Variants in FADS6 observed in about 807,000 individuals in gnomAD.
FADS6 encodes fatty acid desaturase 6, also known as fatty acid desaturase domain family, member 6.
A neutral mutation model predicts 31.7 loss-of-function variants in FADS6; 28 were observed. That is an observed-to-expected ratio of 0.88 (90% CI 0.66 to 1.21). The LOEUF is 1.21. Ranked by LOEUF, FADS6 falls within the 50% of genes most tolerant of loss-of-function variation. FADS6 has a pLI of 0.00. For missense variants in FADS6, 494 were observed against 504.2 expected (o/e 0.98, Z 0.19); for synonymous variants, 191 against 213.1 (o/e 0.90, Z 0.90).
At chr17:74,885,480 G>A (rs972171072) in intron 2 of FADS6, among the ~76,000 whole-genome samples, 1 of 152,114 alleles carries the variant, frequency 6.6e-6, no homozygotes, top group African/African-American at 2.4e-5. Flanking sequence ...TGCTCATGCT[G>A]TGGGAGCCAG....
At chr17:74,875,440 C>G (rs148910334), downstream of FADS6, among the ~76,000 whole-genome samples, 1 of 152,202 alleles carries the variant, frequency 6.6e-6, no homozygotes, top group Non-Finnish European at 1.5e-5. Context: ...ACCTCTCAGG[C>G]CTCAGAAATT....
Position 74,887,469 on chromosome 17 carries a change from CCTGGTCAATGCCCTCATCACATT to C in FADS6, c.412-4782_412-4760del, listed in dbSNP as rs201296874. Among the ~76,000 whole-genome samples, 21 of 152,328 alleles carry C rather than the reference CCTGGTCAATGCCCTCATCACATT, an allele frequency of 1.4e-4. No individual in the cohort carries two copies. In the East Asian group the frequency reaches 4.1e-3, roughly 29 times the overall value. On this transcript the variant is annotated intron_variant, in intron 2 of 5. Transcript: ENST00000612771. ...TGAGCTCTCAGAGCTTTCACTCCACCCTGGTCAATGCCCTCATCACATTCTGCCTGCCCCAGTCACCTACCAGC... is the reference window on the plus strand; with the variant it reads ...TGAGCTCTCAGAGCTTTCACTCCACCCTGCCTGCCCCAGTCACCTACCAGC...
At chr17:74,892,054 G>A (rs538237013) in intron 2 of FADS6, among the ~76,000 whole-genome samples, 2 of 152,298 alleles carry the variant, frequency 1.3e-5, no homozygotes, top group East Asian at 3.9e-4. Context: ...AAGAAGGGAG[G>A]GCAAGGGTCA....
At chr17:74,875,402 T>C (rs554271850), downstream of FADS6, among the ~76,000 whole-genome samples, 2 of 152,332 alleles carry the variant, frequency 1.3e-5, no homozygotes, top group South Asian at 2.1e-4. Context: ...GATCTGGATA[T>C]ACTTCATTCA....
At position 74,878,339 on chromosome 17, in the gene FADS6, C is replaced by T. The variant is rs372010502; in HGVS notation, c.1099G>A (p.Gly367Arg). 1.9e-6 allele frequency: 3 copies of T among 1,613,318 alleles called. No homozygotes were observed. Among genetic ancestry groups the T allele is most frequent in the Admixed American group, 1.7e-5 (1 of 59,942 alleles). ...GCACCGGCCCGGCCTCATTACAGCC[C>T]CACAAGCTCAGTGATGGGTGGGGCC... ...VQAPPITELV[G>R]L The change falls in exon 6 of 6, where the codon GGG (glycine) becomes AGG (arginine). Residue 367 changes from glycine (G) to arginine (R), a missense_variant. Gly to Arg is a moderately radical substitution (Grantham distance 125). Transcript: ENST00000612771.
At chr17:74,892,020 C>G (rs2038694351) in intron 2 of FADS6, among the ~76,000 whole-genome samples, 1 of 152,144 alleles carries the variant, frequency 6.6e-6, no homozygotes, top group African/African-American at 2.4e-5. Context: ...GTAAGAAGGC[C>G]AAGGTCGAAC....
chr17:74,878,985 TG>T, intron 5 of FADS6: 2 of 205,906 alleles, frequency 9.7e-6, no homozygotes, highest in Non-Finnish European at 1.9e-5. Flanking sequence ...CCAGGCCAGT[TG>T]GGGGACTTGG....
At chr17:74,883,536 G>A (rs1041606490) in intron 2 of FADS6, among the ~76,000 whole-genome samples, 3 of 152,224 alleles carry the variant, frequency 2.0e-5, no homozygotes, top group Non-Finnish European at 4.4e-5. Context: ...GAACACCCCC[G>A]CAGAGGGCTC....
At chr17:74,886,586 C>G (rs1302962130) in intron 2 of FADS6, among the ~76,000 whole-genome samples, 1 of 151,842 alleles carries the variant, frequency 6.6e-6, no homozygotes, top group Non-Finnish European at 1.5e-5. Flanking sequence ...AGGGGTAGGA[C>G]AAAGACCTCT....
chr17:74,890,154 A>G (rs2038673427), intron 2 of FADS6, among the ~76,000 whole-genome samples: 2 of 152,176 alleles, frequency 1.3e-5, no homozygotes, highest in Non-Finnish European at 2.9e-5. Context: ...TGGGAGTTCA[A>G]CCATGGCTTC....
chr17:74,878,767 C>T (rs189976831), intron 5 of FADS6, among the ~76,000 whole-genome samples: 3 of 152,334 alleles, frequency 2.0e-5, no homozygotes, highest in Admixed American at 2.0e-4. Flanking sequence ...TACCATGTGC[C>T]AAACATTTCA....
At chr17:74,891,529 G>A (rs1280432978) in intron 2 of FADS6, among the ~76,000 whole-genome samples, 1 of 152,044 alleles carries the variant, frequency 6.6e-6, no homozygotes, top group Non-Finnish European at 1.5e-5. Context: ...CTAATGCTCA[G>A]GGCTCCGTGG....
At chr17:74,884,165 C>A (rs113811340) in intron 2 of FADS6, among the ~76,000 whole-genome samples, 1 of 152,098 alleles carries the variant, frequency 6.6e-6, no homozygotes, top group Admixed American at 6.5e-5. Flanking sequence ...CTCTCGAGGA[C>A]TATTCTTGCT....
intron 2 of FADS6, among the ~76,000 whole-genome samples, chr17:74,886,100 G>A (rs570273079): frequency 2.6e-5 from 4 of 152,218 alleles, no homozygotes; most frequent in East Asian, 1.9e-4. Flanking sequence ...TTAGCTGGGC[G>A]TGGTGGCGGG....
At chr17:74,876,560 G>A (rs999094657), downstream of FADS6, among the ~76,000 whole-genome samples, 2 of 152,180 alleles carry the variant, frequency 1.3e-5, no homozygotes, top group Admixed American at 1.3e-4. Context: ...ACTTTGGGAG[G>A]CCAAGGTGGG....
At chr17:74,887,110 G>A (rs985742261) in intron 2 of FADS6, among the ~76,000 whole-genome samples, 1 of 148,500 alleles carries the variant, frequency 6.7e-6, no homozygotes, top group African/African-American at 2.5e-5. Context: ...GCCCAGGCTG[G>A]AGTATGGAGT....
chr17:74,888,518 T>C (rs982870949), intron 2 of FADS6, among the ~76,000 whole-genome samples: 1 of 152,062 alleles, frequency 6.6e-6, no homozygotes, highest in Non-Finnish European at 1.5e-5. Context: ...GGAGAGAACG[T>C]TCCAGGATCA....
rs1486607695 is a variant in FADS6 at position 74,888,144 on chromosome 17, ACACACACACACGCGCGCG to A, written c.411+4361_411+4378del. ...TGAGACACCACACACACACACACAC[ACACACACACACGCGCGCG>A]CGCGCGCGCGCAGAGTACCAATGTC... On this transcript the variant is annotated intron_variant, in intron 2 of 5. Coordinates refer to ENST00000612771, the MANE Select transcript of FADS6 (RefSeq NM_178128.6). 1.0e-3 allele frequency among the ~76,000 whole-genome samples: 115 copies of A among 113,822 alleles called. 1 individual carries two copies. The highest frequency in any genetic ancestry group is 3.8e-3 in the East Asian group (10 of 2,650). 74.7% of individuals were successfully genotyped at this position (113,822 alleles called of 152,430 possible).
At chr17:74,882,355 C>T (rs1459814691) in intron 3 of FADS6, among the ~76,000 whole-genome samples, 175 bp downstream of exon 3, 1 of 152,232 alleles carries the variant, frequency 6.6e-6, no homozygotes, top group Non-Finnish European at 1.5e-5. Context: ...AGCTAGTAAG[C>T]GGCAGAGCCA....
Sources: gnomAD v4.1 joint callset for allele counts (sites outside exome capture counted in the v4.1 genomes callset) on GRCh38, gnomAD v4.1.1 for gene constraint, MANE v1.5 for transcripts, NCBI Gene and HGNC (gene_info 2026-07-23, HGNC 2026-07-21) for gene names.